Variants in FCAR observed in about 807,000 individuals in gnomAD.
FCAR encodes the protein Fc alpha receptor.
In FCAR, 21 loss-of-function variants were observed where a neutral mutation model predicts 27.1. The observed-to-expected ratio is 0.77, with a 90% CI of 0.55 to 1.11. The LOEUF is 1.11. Among genes scored for constraint, FCAR ranks in the 50% most tolerant of loss-of-function variants. The pLI, the probability that FCAR is intolerant of heterozygous loss-of-function variation, is 0.00. For missense variants in FCAR, 404 were observed against 358.4 expected (o/e 1.13, Z -1.03); for synonymous variants, 134 against 135.8 (o/e 0.99, Z 0.09).
intron 2 of FCAR, among the ~76,000 whole-genome samples, chr19:54,881,374 T>TGGCAGC (rs2066400511): frequency 6.6e-6 from 1 of 152,126 alleles, no homozygotes; most frequent in Non-Finnish European, 1.5e-5. Context: ...ACCACCGCAG[T>TGGCAGC]GGCAGCGGCA....
At chr19:54,882,639 A>T (rs1020251732) in intron 2 of FCAR, among the ~76,000 whole-genome samples, 12 of 151,272 alleles carry the variant, frequency 7.9e-5, no homozygotes, top group African/African-American at 2.4e-4. Context: ...GGGTTTTGTC[A>T]CGTTGGTCAG....
chr19:54,882,179 T>G (rs1435341035), intron 2 of FCAR, among the ~76,000 whole-genome samples: 1 of 152,194 alleles, frequency 6.6e-6, no homozygotes, highest in Admixed American at 6.5e-5. Context: ...TGGACTCCTC[T>G]CTGTCTGATG....
chr19:54,877,449 T>C (rs1032057732), intron 2 of FCAR, among the ~76,000 whole-genome samples: 6 of 152,190 alleles, frequency 3.9e-5, no homozygotes, highest in African/African-American at 1.4e-4. Context: ...ATATACCCTT[T>C]GTTGTTTCTA....
At chr19:54,876,279 G>A (rs1206196160) in intron 2 of FCAR, among the ~76,000 whole-genome samples, 1 of 152,118 alleles carries the variant, frequency 6.6e-6, no homozygotes. Flanking sequence ...CTGCAAACAG[G>A]GATAGTTTGA....
In FCAR at chr19:54,875,375, C is replaced by G; in HGVS notation, c.70+10C>G. On this transcript the variant is annotated intron_variant, in intron 2 of 4. Coordinates refer to ENST00000355524, the MANE Select transcript of FCAR (RefSeq NM_002000.4). ...ATTCAGGCACAGGAAGGTAAGTGTCCTGTAAATCTCTCCCAGCCCCTTTAG... is the reference window on the plus strand; with the variant it reads ...ATTCAGGCACAGGAAGGTAAGTGTCGTGTAAATCTCTCCCAGCCCCTTTAG... 1.9e-6 allele frequency: 3 copies of G among 1,611,882 alleles called. No individual in the cohort carries two copies. Among genetic ancestry groups the G allele is most frequent in the Non-Finnish European group, 2.5e-6 (3 of 1,178,314 alleles).
chr19:54,885,619 A>G, intron 3 of FCAR, 94 bp downstream of exon 3: 1 of 963,978 alleles, frequency 1.0e-6, no homozygotes, highest in Non-Finnish European at 1.5e-6. Flanking sequence ...ACAAACAAAA[A>G]AAAATTGATG....
intron 2 of FCAR, among the ~76,000 whole-genome samples, chr19:54,878,849 A>T: frequency 1.7e-5 from 2 of 114,870 alleles, no homozygotes; most frequent in Admixed American, 9.5e-5. Context: ...TGGGTTTCTT[A>T]TAGGCAGCAT....
chr19:54,888,421 G>A, intron 4 of FCAR, 127 bp downstream of exon 4: 1 of 1,459,950 alleles, frequency 6.8e-7, no homozygotes, highest in Non-Finnish European at 9.0e-7. Flanking sequence ...CCAGGACAGT[G>A]GAGAGAGAAA....
In FCAR at chr19:54,889,837, G is replaced by T. The variant is rs1298648155; in HGVS notation, c.838G>T (p.Ala280Ser). ...GATGTGTCAGCCAGGATTGACCTTTGCACGAACACCAAGTGTCTGCAAGTA... is the reference window on the plus strand; with the variant it reads ...GATGTGTCAGCCAGGATTGACCTTTTCACGAACACCAAGTGTCTGCAAGTA... ...QQMCQPGLTF[A>S]RTPSVCK The change falls in exon 5 of 5, where the codon GCA becomes TCA. Residue 280 changes from alanine (A) to serine (S), a missense_variant. By Grantham distance (99) the Ala-to-Ser change is moderately conservative. Transcript: ENST00000355524. 3.1e-6 allele frequency: 5 copies of T among 1,606,174 alleles called. No homozygotes were observed. The highest frequency in any genetic ancestry group is 8.5e-7 in the Non-Finnish European group (1 of 1,179,960).
chr19:54,874,314 C>T lies in FCAR; in HGVS notation c.25C>T (p.Leu9=). The change falls in exon 1 of 5, where the codon CTG becomes TTG. Residue 9 remains leucine, a synonymous_variant. Coordinates refer to ENST00000355524, the MANE Select transcript of FCAR (RefSeq NM_002000.4). MDPKQTTL[L]CLVLCLGQRI... ...GATGGACCCCAAACAGACCACCCTCCTGTGTCTTGGTGAGTTTCAGAGTAA... is the reference window on the plus strand; with the variant it reads ...GATGGACCCCAAACAGACCACCCTCTTGTGTCTTGGTGAGTTTCAGAGTAA... The T allele has an allele frequency of 6.2e-7, 1 of 1,614,184 alleles. No homozygotes were observed. The highest frequency in any genetic ancestry group is 8.5e-7 in the Non-Finnish European group (1 of 1,180,026).
At chr19:54,885,625 T>A in intron 3 of FCAR, 100 bp downstream of exon 3, 1 of 881,722 alleles carries the variant, frequency 1.1e-6, no homozygotes. Flanking sequence ...AAAAAAAAAT[T>A]GATGATTGCT....
intron 3 of FCAR, among the ~76,000 whole-genome samples, chr19:54,887,023 GC>G (rs2066770938): frequency 1.4e-5 from 1 of 72,162 alleles, no homozygotes; most frequent in Admixed American, 2.0e-4. Flanking sequence ...TGTAATCCCA[GC>G]ACTTTGGGAG....
At chr19:54,885,128 A>G in intron 2 of FCAR, 107 bp from the exon 3 acceptor site, 1 of 998,542 alleles carries the variant, frequency 1.0e-6, no homozygotes, top group South Asian at 1.7e-5. Context: ...TAAATAAAGA[A>G]TGGTAGGTTC....
chr19:54,887,454 T>G (rs1427905787), intron 3 of FCAR, among the ~76,000 whole-genome samples: 1 of 140,304 alleles, frequency 7.1e-6, no homozygotes, highest in Non-Finnish European at 1.5e-5. Flanking sequence ...AACCTCATCT[T>G]TACTAAAAAT....
chr19:54,881,687 C>A (rs1192172277), intron 2 of FCAR, among the ~76,000 whole-genome samples: 3 of 151,952 alleles, frequency 2.0e-5, no homozygotes, highest in East Asian at 1.9e-4. Flanking sequence ...CCTGGCTAAT[C>A]TGGTGAAACC....
chr19:54,878,078 G>T (rs760043289), intron 2 of FCAR, among the ~76,000 whole-genome samples: 164 of 152,170 alleles, frequency 1.1e-3, no homozygotes, highest in Non-Finnish European at 1.8e-3. Context: ...ACCCCGCCCG[G>T]CTAATTTTTT....
At chr19:54,888,578 T>C (rs1324026170) in intron 4 of FCAR, 1 of 1,150,784 alleles carries the variant, frequency 8.7e-7, no homozygotes, top group Non-Finnish European at 1.1e-6. Flanking sequence ...GATAGAGTCT[T>C]GCTCTTTCGC....
intron 2 of FCAR, among the ~76,000 whole-genome samples, chr19:54,877,770 C>T (rs1183386948): frequency 6.6e-6 from 1 of 152,108 alleles, no homozygotes; most frequent in Non-Finnish European, 1.5e-5. Flanking sequence ...TTAGCTGTGT[C>T]CCAGAGATTC....
At chr19:54,877,121 G>A (rs1468259633) in intron 2 of FCAR, among the ~76,000 whole-genome samples, 1 of 152,308 alleles carries the variant, frequency 6.6e-6, no homozygotes, top group Admixed American at 6.5e-5. Context: ...CATAGAATGA[G>A]CTGGGGAGGC....
Sources: gnomAD v4.1 joint callset for allele counts (sites outside exome capture counted in the v4.1 genomes callset) on GRCh38, gnomAD v4.1.1 for gene constraint, MANE v1.5 for transcripts, NCBI Gene and HGNC (gene_info 2026-07-23, HGNC 2026-07-21) for gene names.